The following GRIN2B variants were observed in gnomAD, a reference collection of about 807,000 sequenced individuals.
GRIN2B encodes the protein glutamate ionotropic receptor NMDA type subunit 2B.
In GRIN2B, 5 loss-of-function variants were observed where a neutral mutation model predicts 114.5. That is an observed-to-expected ratio of 0.04 (90% confidence interval 0.02 to 0.09). The LOEUF is 0.09. Ranked by LOEUF, GRIN2B falls within the 10% of genes least tolerant of loss-of-function variation. The pLI, the probability that GRIN2B is intolerant of heterozygous loss-of-function variation, is 1.00. For missense variants in GRIN2B, 1,108 were observed against 1,943.5 expected, an observed-to-expected ratio of 0.57 and a Z score of 8.08; for synonymous variants, 787 against 745.1, an observed-to-expected ratio of 1.06 and a Z score of -0.92.
chr12:13,945,976 T>G (rs1039164722), intron 2 of GRIN2B, among the ~76,000 whole-genome samples: 2 of 152,278 alleles, frequency 1.3e-5, no homozygotes, highest in African/African-American at 4.8e-5. Context: ...CAAGCCTCAT[T>G]TGGGAACAGA....
chr12:13,879,818 C>A (rs906488541), intron 2 of GRIN2B, among the ~76,000 whole-genome samples: 2 of 152,242 alleles, frequency 1.3e-5, no homozygotes, highest in East Asian at 3.8e-4. Context: ...GCAGGCCAGG[C>A]CAGAATCCAT....
chr12:13,558,052 C>T lies in GRIN2B; in HGVS notation c.*4731G>A, dbSNP rs1948495576. The T allele has an allele frequency of 6.6e-6, 1 of 152,204 alleles. No homozygotes were observed. Among genetic ancestry groups the T allele is most frequent in the Non-Finnish European group, 1.5e-5 (1 of 68,056 alleles). The allele number at this position is 152,204 out of a possible 1,614,324, so 9.4% of individuals were successfully genotyped here. A position where few individuals can be genotyped will look rare whatever the true frequency, so the allele number is the denominator to read the frequency against. ...AGCATACATAAGGCCAGACCCATCCCAGTGTGACTATTCACTTTCAGCTGC... is the reference window on the plus strand; with the variant it reads ...AGCATACATAAGGCCAGACCCATCCTAGTGTGACTATTCACTTTCAGCTGC... On this transcript the variant is annotated 3_prime_UTR_variant, in exon 14 of 14. Coordinates refer to ENST00000609686, the MANE Select transcript of GRIN2B (RefSeq NM_000834.5).
At chr12:13,858,985 CAA>C (rs756449356) in intron 3 of GRIN2B, among the ~76,000 whole-genome samples, 24 of 152,224 alleles carry the variant, frequency 1.6e-4, no homozygotes, top group Non-Finnish European at 2.8e-4. Context: ...CCATTTTCCT[CAA>C]GTGATTTAGG....
intron 4 of GRIN2B, among the ~76,000 whole-genome samples, chr12:13,746,212 G>A (rs1863380065): frequency 6.6e-6 from 1 of 152,102 alleles, no homozygotes; most frequent in South Asian, 2.1e-4. Flanking sequence ...ATCAAATTAG[G>A]TAACTGCACA....
chr12:13,626,543 T>C (rs2136492629), intron 5 of GRIN2B, among the ~76,000 whole-genome samples: 1 of 152,314 alleles, frequency 6.6e-6, no homozygotes, highest in East Asian at 1.9e-4. Flanking sequence ...AGCACTGACT[T>C]GGCAAGGTCT....
At chr12:13,794,082 C>T (rs1018854895) in intron 3 of GRIN2B, among the ~76,000 whole-genome samples, 1 of 144,982 alleles carries the variant, frequency 6.9e-6, no homozygotes, top group African/African-American at 2.5e-5. Flanking sequence ...ATCCAGGTGT[C>T]GTAACATGTG....
chr12:13,718,926 G>A (rs1294248802), intron 4 of GRIN2B, among the ~76,000 whole-genome samples: 2 of 151,968 alleles, frequency 1.3e-5, no homozygotes, highest in African/African-American at 2.4e-5. Flanking sequence ...GTAGACCAAC[G>A]CTTCATGCCA....
chr12:13,866,588 G>A (rs949885775), intron 2 of GRIN2B, among the ~76,000 whole-genome samples: 2 of 152,230 alleles, frequency 1.3e-5, no homozygotes, highest in African/African-American at 2.4e-5. Flanking sequence ...TACTGTTCTT[G>A]GGCTGAAGGA....
chr12:13,708,451 A>T (rs1950382327), intron 4 of GRIN2B, among the ~76,000 whole-genome samples: 1 of 152,226 alleles, frequency 6.6e-6, no homozygotes, highest in South Asian at 2.1e-4. Flanking sequence ...GATGTAATTA[A>T]AATAGAGGTG....
chr12:13,962,089 T>TAC (rs143658576), intron 2 of GRIN2B, among the ~76,000 whole-genome samples: 2,982 of 145,140 alleles, frequency 0.021, 40 homozygotes, highest in African/African-American at 0.043. Context: ...CTCTCATACA[T>TAC]ACACACACAC....
intron 4 of GRIN2B, among the ~76,000 whole-genome samples, chr12:13,692,890 T>A (rs994965625): frequency 2.7e-5 from 4 of 148,134 alleles, no homozygotes; most frequent in Non-Finnish European, 5.9e-5. Flanking sequence ...TGCCTCAGCC[T>A]CCCGAGTAGC....
At chr12:13,979,250 T>C (rs1289848758) in intron 2 of GRIN2B, among the ~76,000 whole-genome samples, 1 of 152,122 alleles carries the variant, frequency 6.6e-6, no homozygotes, top group African/African-American at 2.4e-5. Flanking sequence ...CTTTCCGAGC[T>C]TAAGATTTAA....
At chr12:13,776,390 A>C (rs1280687201) in intron 3 of GRIN2B, among the ~76,000 whole-genome samples, 1 of 152,180 alleles carries the variant, frequency 6.6e-6, no homozygotes, top group Non-Finnish European at 1.5e-5. Flanking sequence ...CCTATGTAAC[A>C]AACCTGCACA....
chr12:13,824,582 C>T (rs543774041), intron 3 of GRIN2B, among the ~76,000 whole-genome samples: 4 of 152,176 alleles, frequency 2.6e-5, no homozygotes, highest in South Asian at 4.1e-4. Flanking sequence ...AGGCCAGGCG[C>T]GGTGGCTCAC....
chr12:13,942,311 T>C (rs1867273043), intron 2 of GRIN2B, among the ~76,000 whole-genome samples: 2 of 131,386 alleles, frequency 1.5e-5, no homozygotes, highest in Non-Finnish European at 3.2e-5. Context: ...GCAACTGTTC[T>C]AGGCAATTCT....
At chr12:13,593,732 G>C (rs1949038134) in intron 10 of GRIN2B, among the ~76,000 whole-genome samples, 1 of 152,194 alleles carries the variant, frequency 6.6e-6, no homozygotes, top group South Asian at 2.1e-4. Context: ...ACTATCATCA[G>C]AGTGAACTGG....
chr12:13,908,944 T>G (rs1462744643), intron 2 of GRIN2B, among the ~76,000 whole-genome samples: 1 of 152,206 alleles, frequency 6.6e-6, no homozygotes, highest in Non-Finnish European at 1.5e-5. Context: ...TCATGGAATC[T>G]AGAAATGTTT....
In GRIN2B at chr12:13,615,317, A is replaced by G. The variant is rs199942455; in HGVS notation, c.1501-50T>C. 6.3e-7 allele frequency: 1 copy of G among 1,588,710 alleles called. No individual in the cohort carries two copies. Among genetic ancestry groups the G allele is most frequent in the South Asian group, 1.1e-5 (1 of 90,516 alleles). ...ATTAAAACATTCAGGAGGGCAAGGG[A>G]CCACCACAAGGAAAATACAGCCTAT... On this transcript the variant is annotated intron_variant, in intron 7 of 13. Transcript: ENST00000609686. The surrounding 1 kb of genome is among the most constrained non-coding windows in gnomAD (Gnocchi z 5.8).
intron 5 of GRIN2B, among the ~76,000 whole-genome samples, chr12:13,623,200 A>G (rs1949534437): frequency 6.6e-6 from 1 of 152,242 alleles, no homozygotes; most frequent in African/African-American, 2.4e-5. Flanking sequence ...ATAGTAGCCT[A>G]TAATAATGAA....
Sources: allele counts gnomAD v4.1 joint callset (sites outside exome capture counted in the v4.1 genomes callset), GRCh38; gene constraint gnomAD v4.1.1; non-coding constraint Gnocchi (gnomAD v3.1); transcripts MANE v1.5; gene names NCBI Gene and HGNC (gene_info 2026-07-23, HGNC 2026-07-21).